Variants in ZNF81 observed in about 807,000 individuals in gnomAD.
ZNF81 encodes the protein zinc finger protein 81 (HFZ20).
Under a neutral mutation model 32.3 loss-of-function variants are expected in ZNF81, and 5 were observed. That is an observed-to-expected ratio of 0.15 (90% confidence interval 0.08 to 0.33). The LOEUF (loss-of-function observed/expected upper bound fraction) is 0.33. ZNF81 is among the 10% of genes least tolerant of loss of function. The pLI, the probability that ZNF81 is intolerant of heterozygous loss-of-function variation, is 1.00. For synonymous variants in ZNF81, 163 were observed against 166.8 expected (o/e 0.98, Z 0.17); for missense variants, 379 against 479.8 (o/e 0.79, Z 1.96).
rs1464964081 is a variant in ZNF81, at chrX:47,925,460, A to G, written c.*8828A>G. ...TTCCATCCAGCATAATAAGTTTGAG[A>G]TTCATTCATGTTGTTATATGCGTCT... On this transcript the variant is annotated 3_prime_UTR_variant, in exon 5 of 5. Transcript: ENST00000338637. Among the ~76,000 whole-genome samples, 1 of 111,610 alleles carries G rather than the reference A, an allele frequency of 9.0e-6. No individual in the cohort carries two copies. Among genetic ancestry groups the G allele is most frequent in the Non-Finnish European group, 1.9e-5 (1 of 53,096 alleles).
rs1204037061 is a variant in ZNF81 at position 47,923,240 on chromosome X, A to T, written c.*6608A>T. ...GATACACCTCACTTCCTGAGCCCGCACAGGTCCCCCTACAACTCTCTGTGC... is the reference window on the plus strand; with the variant it reads ...GATACACCTCACTTCCTGAGCCCGCTCAGGTCCCCCTACAACTCTCTGTGC... On this transcript the variant is annotated 3_prime_UTR_variant, in exon 5 of 5. Transcript: ENST00000338637. Among the ~76,000 whole-genome samples the T allele has an allele frequency of 2.7e-5, 3 of 111,395 alleles. No homozygotes were observed. Among genetic ancestry groups the T allele is most frequent in the Admixed American group, 9.6e-5 (1 of 10,451 alleles).
rs782209480 is a variant in ZNF81 at position 47,850,891 on chromosome X, G to GCACACACA, written c.54+4607_54+4614dup. Among the ~76,000 whole-genome samples, 111 of 53,417 alleles carry GCACACACA rather than the reference G, an allele frequency of 2.1e-3. 2 individuals are homozygous for GCACACACA. The highest frequency in any genetic ancestry group is 5.8e-3 in the African/African-American group (89 of 15,390). 46.4% of individuals were successfully genotyped at this position (53,417 alleles called of 115,157 possible). On this transcript the variant is annotated intron_variant, in intron 2 of 4. Transcript: ENST00000338637. ...CGTGCACTCATTCACAGGCACGCGC[G>GCACACACA]CACACACACACACACACACACACAC...
Position 47,899,302 on chromosome X carries a change from A to T in ZNF81, c.277+3362A>T, listed in dbSNP as rs868925432. Among the ~76,000 whole-genome samples the T allele has an allele frequency of 1.9e-4, 16 of 85,349 alleles. 1 individual carries two copies. The highest frequency in any genetic ancestry group is 1.4e-3 in the Admixed American group (11 of 7,715). The allele number at this position is 85,349 out of a possible 115,157, so 74.1% of individuals were successfully genotyped here. ...AGCTTGTTTCATAGTTTTTTTTTTT[A>T]AATCATGATTGAGTGTTGAATTTTG... is the stretch of plus-strand genomic sequence containing the variant. On this transcript the variant is annotated intron_variant, in intron 4 of 4. Coordinates refer to ENST00000338637, the MANE Select transcript of ZNF81 (RefSeq NM_007137.5).
intron 2 of ZNF81, among the ~76,000 whole-genome samples, chrX:47,878,576 A>AAG (rs1556884805): frequency 1.9e-4 from 21 of 112,346 alleles, no homozygotes; most frequent in Admixed American, 1.7e-3. Context: ...GTTTGGAATA[A>AAG]CTAGGAGACT....
intron 4 of ZNF81, among the ~76,000 whole-genome samples, chrX:47,898,401 C>T (rs1328957567): frequency 9.0e-6 from 1 of 111,714 alleles, no homozygotes; most frequent in East Asian, 2.8e-4. Context: ...GATGCCAGAA[C>T]ATCAAGGGTA....
chrX:47,864,704 T>C (rs2058553571), intron 2 of ZNF81, among the ~76,000 whole-genome samples: 1 of 111,739 alleles, frequency 8.9e-6, no homozygotes, highest in African/African-American at 3.3e-5. Flanking sequence ...ATGAATAGTA[T>C]GGAATCAGCA....
Position 47,846,327 on chromosome X carries a change from G to C in ZNF81, c.54+6G>C. 8.3e-7 allele frequency: 1 copy of C among 1,206,779 alleles called. No homozygotes were observed. On this transcript the variant is annotated splice_donor_region_variant and intron_variant, in intron 2 of 4. Coordinates refer to ENST00000338637, the MANE Select transcript of ZNF81 (RefSeq NM_007137.5). ...AACATGGCAGTGCCTGTGAGGTGAG[G>C]AGGAGGAAGAGGTGCCCAGGGATTG...
intron 2 of ZNF81, among the ~76,000 whole-genome samples, chrX:47,856,063 A>C (rs1273147641): frequency 9.3e-6 from 1 of 108,086 alleles, no homozygotes; most frequent in Non-Finnish European, 1.9e-5. Context: ...AAAAAAAAAA[A>C]AAAAAAAAAA....
At chrX:47,870,166 C>T (rs1480447446) in intron 2 of ZNF81, among the ~76,000 whole-genome samples, 1 of 111,918 alleles carries the variant, frequency 8.9e-6, no homozygotes, top group Non-Finnish European at 1.9e-5. Context: ...GACTTTATAT[C>T]TTAGGGTTCC....
rs1428717628 is a variant in ZNF81 at position 47,923,055 on chromosome X, C to T, written c.*6423C>T. 9.0e-6 allele frequency among the ~76,000 whole-genome samples: 1 copy of T among 111,706 alleles called. No individual in the cohort carries two copies. The highest frequency in any genetic ancestry group is 1.9e-5 in the Non-Finnish European group (1 of 53,133). On this transcript the variant is annotated 3_prime_UTR_variant, in exon 5 of 5. Coordinates refer to ENST00000338637, the MANE Select transcript of ZNF81 (RefSeq NM_007137.5). ...AATGGCCCCATTTTAACTTAATTAC[C>T]TCTGTACTCTATTTCCAAATAAAAT...
intron 2 of ZNF81, among the ~76,000 whole-genome samples, chrX:47,881,387 C>T (rs1164530501): frequency 1.8e-5 from 2 of 112,075 alleles, no homozygotes; most frequent in Non-Finnish European, 3.8e-5. Flanking sequence ...TTCCTACTTT[C>T]TCTAACAAAT....
intron 2 of ZNF81, among the ~76,000 whole-genome samples, chrX:47,873,653 AGTTTGTTT>A (rs1171049225): frequency 9.0e-6 from 1 of 110,700 alleles, no homozygotes; most frequent in Non-Finnish European, 1.9e-5. Context: ...AACGCAGTGG[AGTTTGTTT>A]GTTTGTTTGT....
At chrX:47,880,822 G>A (rs1351648465) in intron 2 of ZNF81, among the ~76,000 whole-genome samples, 2 of 111,755 alleles carry the variant, frequency 1.8e-5, no homozygotes, top group Non-Finnish European at 3.8e-5. Flanking sequence ...CTGAAACTGG[G>A]TAATTTATAA....
In ZNF81 at chrX:47,905,619, ATTT is replaced by A. The variant is rs782640613; in HGVS notation, c.278-9296_278-9294del. ...ACCCTAGCCATCTTCCAGGAGTGTC[ATTT>A]TTTTTTTTCAGACATAGAAGTTTAA... On this transcript the variant is annotated intron_variant, in intron 4 of 4. Transcript: ENST00000338637. 2.9e-5 allele frequency among the ~76,000 whole-genome samples: 3 copies of A among 104,191 alleles called. No homozygotes were observed. In the East Asian group the frequency reaches 8.8e-4, roughly 31 times the overall value. The allele number at this position is 104,191 out of a possible 115,157, so 90.5% of individuals were successfully genotyped here.
At chrX:47,854,791 G>A (rs1556881666) in intron 2 of ZNF81, among the ~76,000 whole-genome samples, 1 of 111,828 alleles carries the variant, frequency 8.9e-6, no homozygotes, top group Non-Finnish European at 1.9e-5. Flanking sequence ...TGATCACAGA[G>A]TACCATAACA....
At chrX:47,912,999 T>G (rs2058744240) in intron 4 of ZNF81, among the ~76,000 whole-genome samples, 4 of 106,383 alleles carry the variant, frequency 3.8e-5, no homozygotes, top group Admixed American at 9.7e-5. Context: ...TTCTGCTATT[T>G]TTTTGTTAGA....
chrX:47,910,568 T>C (rs1198161817), intron 4 of ZNF81, among the ~76,000 whole-genome samples: 1 of 112,076 alleles, frequency 8.9e-6, no homozygotes, highest in East Asian at 2.8e-4. Flanking sequence ...ATGGCAATCA[T>C]TGAAAAGTCA....
chrX:47,879,656 G>GT (rs2058612983), intron 2 of ZNF81, among the ~76,000 whole-genome samples: 1 of 112,069 alleles, frequency 8.9e-6, no homozygotes, highest in African/African-American at 3.2e-5. Context: ...GAGAAATTAC[G>GT]TTTAGTATAA....
Position 47,923,255 on chromosome X carries a change from ACT to A in ZNF81, c.*6628_*6629del, listed in dbSNP as rs1236287400. Among the ~76,000 whole-genome samples the A allele has an allele frequency of 3.6e-5, 4 of 110,433 alleles. No individual in the cohort carries two copies. Among genetic ancestry groups the A allele is most frequent in the Admixed American group, 9.7e-5 (1 of 10,350 alleles). On this transcript the variant is annotated 3_prime_UTR_variant, in exon 5 of 5. Coordinates refer to ENST00000338637, the MANE Select transcript of ZNF81 (RefSeq NM_007137.5). ...CTGAGCCCGCACAGGTCCCCCTACA[ACT>A]CTCTGTGCTTGGGACACTGAGGTGG...
Sources: gnomAD v4.1 joint callset for allele counts (sites outside exome capture counted in the v4.1 genomes callset) on GRCh38, gnomAD v4.1.1 for gene constraint, MANE v1.5 for transcripts, NCBI Gene and HGNC (gene_info 2026-07-23, HGNC 2026-07-21) for gene names.